The following CDH12 variants were observed in gnomAD, a reference collection of about 807,000 sequenced individuals.
CDH12 encodes cadherin-12.
In CDH12, 41 loss-of-function variants were observed where a neutral mutation model predicts 74.1. The ratio of observed to expected loss-of-function variants is 0.55; its 90% CI spans 0.43 to 0.72. CDH12 has a LOEUF of 0.72. Ranked by LOEUF, CDH12 falls within the 30% of genes least tolerant of loss-of-function variation. The pLI is 0.00. For synonymous variants in CDH12, 399 were observed against 355.0 expected (o/e 1.12, Z -1.39); for missense variants, 945 against 977.2 (o/e 0.97, Z 0.44).
In CDH12 at chr5:22,569,368, C is replaced by T. The variant is rs536685747; in HGVS notation, c.-522-64004G>A. On this transcript the variant is annotated intron_variant, in intron 1 of 14. Coordinates refer to ENST00000382254, the MANE Select transcript of CDH12 (RefSeq NM_004061.5). ...GCTTTCACCATGTGACATGCTTGCT[C>T]TTGCCTCAATTTCTGCCATGAGTAA... Among the ~76,000 whole-genome samples, 3 of 152,294 alleles carry T rather than the reference C, an allele frequency of 2.0e-5. No individual in the cohort carries two copies. The South Asian group carries it at 6.2e-4, about 32-fold the overall frequency.
chr5:22,081,194 C>T (rs184128610), intron 4 of CDH12, among the ~76,000 whole-genome samples: 9 of 152,254 alleles, frequency 5.9e-5, no homozygotes, highest in Admixed American at 2.0e-4. Context: ...CAGTTTGAAT[C>T]ACAAACTGTG....
chr5:22,576,335 T>C (rs1330456295), intron 1 of CDH12, among the ~76,000 whole-genome samples: 2 of 151,946 alleles, frequency 1.3e-5, no homozygotes, highest in Non-Finnish European at 2.9e-5. Flanking sequence ...CCCTACCCTG[T>C]CCAGAGAGGA....
chr5:22,334,476 G>T (rs1200944632), intron 3 of CDH12, among the ~76,000 whole-genome samples: 1 of 151,966 alleles, frequency 6.6e-6, no homozygotes, highest in African/African-American at 2.4e-5. Flanking sequence ...AAATACCAAT[G>T]ACATCCTTCA....
At position 22,100,077 on chromosome 5, in the gene CDH12, C is replaced by T. The variant is rs529391756; in HGVS notation, c.-186-21215G>A. Among the ~76,000 whole-genome samples the T allele has an allele frequency of 5.3e-5, 8 of 152,264 alleles. No homozygotes were observed. In the South Asian group the frequency reaches 1.0e-3, roughly 20 times the overall value. ...TCTCCATACCATCCCCCAAAATTTT[C>T]GCTGTCCCAAATCTTTACCACTATT... On this transcript the variant is annotated intron_variant, in intron 4 of 14. Coordinates refer to ENST00000382254, the MANE Select transcript of CDH12 (RefSeq NM_004061.5).
At chr5:22,333,813 C>T (rs190089356) in intron 3 of CDH12, among the ~76,000 whole-genome samples, 1 of 152,110 alleles carries the variant, frequency 6.6e-6, no homozygotes, top group African/African-American at 2.4e-5. Flanking sequence ...CCCAGGGATG[C>T]AAGAATGGTT....
chr5:21,768,722 C>T (rs369256115), intron 11 of CDH12, among the ~76,000 whole-genome samples: 5 of 151,932 alleles, frequency 3.3e-5, no homozygotes, highest in South Asian at 2.1e-4. Flanking sequence ...ATTTAAGGAA[C>T]AAATAATATC....
Position 22,785,695 on chromosome 5 carries a change from T to C in CDH12, c.-523+67363A>G, listed in dbSNP as rs145719866. Among the ~76,000 whole-genome samples the C allele has an allele frequency of 2.6e-5, 4 of 152,226 alleles. 1 individual carries two copies. The South Asian group carries it at 8.3e-4, about 32-fold the overall frequency. Reference sequence around the variant, plus strand: ...ACTACACCTGGCTAATTTTTGCACCTTTTGTAGAGATGGGGTTTCGCCATG... The same window carrying C: ...ACTACACCTGGCTAATTTTTGCACCCTTTGTAGAGATGGGGTTTCGCCATG... On this transcript the variant is annotated intron_variant, in intron 1 of 14. Coordinates refer to ENST00000382254, the MANE Select transcript of CDH12 (RefSeq NM_004061.5).
rs149338009 is a variant in CDH12, at chr5:21,850,507, T to G, written c.646+4164A>C. ...GTATGTCTATAGTATCATAAAGTGTTAGCTCAAAATATAGAGTTATTGGCC... is the reference window on the plus strand; with the variant it reads ...GTATGTCTATAGTATCATAAAGTGTGAGCTCAAAATATAGAGTTATTGGCC... On this transcript the variant is annotated intron_variant, in intron 7 of 14. Transcript: ENST00000382254. 7.2e-5 allele frequency among the ~76,000 whole-genome samples: 11 copies of G among 151,760 alleles called. No individual in the cohort carries two copies. In the East Asian group the frequency reaches 2.1e-3, roughly 29 times the overall value.
At chr5:22,140,094 A>G (rs1044686049) in intron 4 of CDH12, among the ~76,000 whole-genome samples, 21 of 152,176 alleles carry the variant, frequency 1.4e-4, no homozygotes, top group African/African-American at 5.1e-4. Context: ...CTTGAAGCAG[A>G]GAAATCCCAT....
chr5:22,055,404 A>G (rs1324176944), intron 5 of CDH12, among the ~76,000 whole-genome samples: 1 of 152,104 alleles, frequency 6.6e-6, no homozygotes, highest in African/African-American at 2.4e-5. Context: ...AGTATGTTGA[A>G]ACCTGCATTT....
chr5:22,798,460 ATTG>A (rs747550117), intron 1 of CDH12, among the ~76,000 whole-genome samples: 37 of 152,126 alleles, frequency 2.4e-4, no homozygotes, highest in Non-Finnish European at 3.4e-4. Context: ...TATGTTCATT[ATTG>A]TTATCCTAAA....
At chr5:22,463,037 G>A (rs995155917) in intron 2 of CDH12, among the ~76,000 whole-genome samples, 3 of 152,012 alleles carry the variant, frequency 2.0e-5, no homozygotes, top group Non-Finnish European at 2.9e-5. Flanking sequence ...CAGAGACCAC[G>A]AATTAATAAA....
At chr5:22,253,603 T>G (rs1753206217) in intron 3 of CDH12, among the ~76,000 whole-genome samples, 1 of 151,918 alleles carries the variant, frequency 6.6e-6, no homozygotes, top group Admixed American at 6.6e-5. Context: ...AACTCTGATT[T>G]CCGAAGTATT....
At chr5:22,345,193 GA>G (rs1740059270) in intron 3 of CDH12, among the ~76,000 whole-genome samples, 1 of 151,910 alleles carries the variant, frequency 6.6e-6, no homozygotes, top group Non-Finnish European at 1.5e-5. Context: ...AATCACTTTA[GA>G]TTTTTTATTT....
chr5:21,842,106 C>T (rs992695368), intron 8 of CDH12, 55 bp downstream of exon 8: 7 of 1,341,466 alleles, frequency 5.2e-6, no homozygotes, highest in African/African-American at 4.4e-5. Context: ...TTCAATGACA[C>T]CATTAAATTT....
At chr5:22,032,792 T>C (rs1328335902) in intron 5 of CDH12, among the ~76,000 whole-genome samples, 2 of 147,684 alleles carry the variant, frequency 1.4e-5, no homozygotes, top group African/African-American at 4.9e-5. Context: ...CATACATATT[T>C]ATATATATAT....
chr5:22,595,082 T>C (rs952399870), intron 1 of CDH12, among the ~76,000 whole-genome samples: 5 of 152,176 alleles, frequency 3.3e-5, no homozygotes, highest in African/African-American at 1.2e-4. Context: ...GCCTTTAAAT[T>C]TTAATGGAAG....
chr5:22,791,842 G>T (rs1035923182), intron 1 of CDH12, among the ~76,000 whole-genome samples: 3 of 152,016 alleles, frequency 2.0e-5, no homozygotes, highest in Non-Finnish European at 4.4e-5. Context: ...GGGGAAATCC[G>T]CCTCTGTGAT....
At chr5:22,453,829 T>G (rs571490983) in intron 2 of CDH12, among the ~76,000 whole-genome samples, 38 of 152,270 alleles carry the variant, frequency 2.5e-4, no homozygotes, top group Non-Finnish European at 4.6e-4. Context: ...TGTATATATA[T>G]TTTTCCTTTG....
Sources: gnomAD v4.1 joint callset for allele counts (sites outside exome capture counted in the v4.1 genomes callset) on GRCh38, gnomAD v4.1.1 for gene constraint, MANE v1.5 for transcripts, NCBI Gene and HGNC (gene_info 2026-07-23, HGNC 2026-07-21) for gene names.